Variants in TCTN2 observed in about 807,000 individuals in gnomAD.
TCTN2 encodes the protein tectonic-2.
TCTN2 carries 66 observed loss-of-function variants against 83.4 expected under a neutral mutation model. The observed-to-expected ratio is 0.79, with a 90% CI of 0.65 to 0.97. The LOEUF is 0.97. TCTN2 is among the 50% of genes least tolerant of loss of function. TCTN2 has a pLI of 0.00. For synonymous variants in TCTN2, 301 were observed against 326.7 expected (o/e 0.92, Z 0.85); for missense variants, 794 against 858.1 (o/e 0.93, Z 0.93).
intron 5 of TCTN2, among the ~76,000 whole-genome samples, chr12:123,680,568 G>A (rs1200270964): frequency 6.7e-6 from 1 of 148,324 alleles, no homozygotes; most frequent in Non-Finnish European, 1.5e-5. Context: ...CCAGGCTGGA[G>A]TGCAGTGACA....
intron 5 of TCTN2, among the ~76,000 whole-genome samples, chr12:123,682,955 A>G (rs1417502153): frequency 6.6e-6 from 1 of 151,870 alleles, no homozygotes; most frequent in South Asian, 2.1e-4. Flanking sequence ...CGGGCTCAGT[A>G]GCTCACGCCT....
intron 13 of TCTN2, among the ~76,000 whole-genome samples, chr12:123,699,326 TG>T (rs1239778868): frequency 2.0e-5 from 3 of 151,974 alleles, no homozygotes; most frequent in African/African-American, 7.3e-5. Context: ...GGCTAATTTT[TG>T]TATTTTTTGT....
chr12:123,704,798 GCAATTATTAGCAAGATGTTTATATGCA>G, intron 15 of TCTN2, 110 bp downstream of exon 15: 3 of 1,174,078 alleles, frequency 2.6e-6, no homozygotes, highest in Non-Finnish European at 3.8e-6. Flanking sequence ...TTTACAACTT[GCAATTATTAGCAAGATGTTTATATGCA>G]CATATGGAAT....
intron 4 of TCTN2, among the ~76,000 whole-genome samples, chr12:123,678,134 C>G (rs1376058265): frequency 6.6e-6 from 1 of 152,226 alleles, no homozygotes; most frequent in Non-Finnish European, 1.5e-5. Context: ...TTGTGTCTCA[C>G]TGTATCATCC....
chr12:123,677,745 C>A (rs1383463241), intron 4 of TCTN2, among the ~76,000 whole-genome samples: 2 of 152,162 alleles, frequency 1.3e-5, no homozygotes, highest in Non-Finnish European at 2.9e-5. Context: ...TCCACCCCCT[C>A]TGTCTTCCAC....
chr12:123,698,511 C>T (rs56816130), intron 13 of TCTN2, among the ~76,000 whole-genome samples: 8,332 of 152,048 alleles, frequency 0.055, 449 homozygotes, highest in African/African-American at 0.13. Context: ...GATCACGGCT[C>T]GTTGCAGCCT....
intron 4 of TCTN2, among the ~76,000 whole-genome samples, chr12:123,676,411 A>G (rs1955821405): frequency 6.6e-6 from 1 of 151,910 alleles, no homozygotes; most frequent in Non-Finnish European, 1.5e-5. Flanking sequence ...TACTAAAAAT[A>G]CAAAAAATTA....
chr12:123,682,002 G>C (rs1174994098), intron 5 of TCTN2, among the ~76,000 whole-genome samples: 1 of 152,046 alleles, frequency 6.6e-6, no homozygotes, highest in Admixed American at 6.6e-5. Flanking sequence ...ACAGGGTCTT[G>C]CTCTGTCGCC....
chr12:123,696,082 GATC>G, intron 11 of TCTN2: 1 of 336,730 alleles, frequency 3.0e-6, no homozygotes, highest in South Asian at 2.6e-5. Flanking sequence ...GACCTCAGGT[GATC>G]CACCCACCTC....
chr12:123,685,776 A>G lies in TCTN2; in HGVS notation c.565-1060A>G, dbSNP rs545345084. Among the ~76,000 whole-genome samples, 550 of 133,214 alleles carry G rather than the reference A, an allele frequency of 4.1e-3. 2 individuals are homozygous for G. The highest frequency in any genetic ancestry group is 6.7e-3 in the Non-Finnish European group (434 of 65,136). The allele number at this position is 133,214 out of a possible 152,430, so 87.4% of individuals were successfully genotyped here. A position where few individuals can be genotyped will look rare whatever the true frequency, so the allele number is the denominator to read the frequency against. On this transcript the variant is annotated intron_variant, in intron 5 of 17. Coordinates refer to ENST00000303372, the MANE Select transcript of TCTN2 (RefSeq NM_024809.5). ...GGTCTTGTTCTGTTGCCCAGGCTGG[A>G]CTTCAGTGGCCCAATCATGGCTCAC... is the stretch of plus-strand genomic sequence containing the variant.
intron 13 of TCTN2, 84 bp downstream of exon 13, chr12:123,697,282 G>A (rs1956121583): frequency 1.0e-6 from 1 of 988,480 alleles, no homozygotes. Context: ...AAGACAGCAT[G>A]AATATGAAAA....
chr12:123,672,780 G>C (rs1212147030), intron 3 of TCTN2, among the ~76,000 whole-genome samples: 1 of 152,146 alleles, frequency 6.6e-6, no homozygotes, highest in East Asian at 1.9e-4. Context: ...GTCAGGCGCG[G>C]TGGCTCACGC....
intron 6 of TCTN2, 98 bp from the exon 7 acceptor site, chr12:123,687,953 G>A: frequency 6.5e-7 from 1 of 1,528,976 alleles, no homozygotes; most frequent in Non-Finnish European, 9.0e-7. Flanking sequence ...GACAGAGTGA[G>A]ACTCCATCTC....
chr12:123,671,400 C>G, intron 1 of TCTN2, 78 bp downstream of exon 1: 4 of 1,595,650 alleles, frequency 2.5e-6, no homozygotes, highest in Non-Finnish European at 3.4e-6. Context: ...CTTGGACTCC[C>G]CCGGGAGCTT....
At chr12:123,703,131 A>T (rs796760816) in intron 14 of TCTN2, among the ~76,000 whole-genome samples, 5 of 152,230 alleles carry the variant, frequency 3.3e-5, no homozygotes, top group African/African-American at 1.2e-4. Context: ...TCTAATACAT[A>T]CTAATTAAAG....
rs1382643988 is a variant in TCTN2, at chr12:123,671,919, C to T, written c.191-137C>T. The T allele has an allele frequency of 1.2e-5, 10 of 807,698 alleles. No homozygotes were observed. The East Asian group carries it at 2.4e-4, about 20-fold the overall frequency. 50.0% of individuals were successfully genotyped at this position (807,698 alleles called of 1,614,324 possible). On this transcript the variant is annotated intron_variant, in intron 2 of 17. Coordinates refer to ENST00000303372, the MANE Select transcript of TCTN2 (RefSeq NM_024809.5). ...GAAGAAACAAGTTCAGAGAGGTTGTCACTGTCCCAGTGTCAAGCAGCTTGT... is the reference window on the plus strand; with the variant it reads ...GAAGAAACAAGTTCAGAGAGGTTGTTACTGTCCCAGTGTCAAGCAGCTTGT...
chr12:123,684,399 C>CT (rs528065302), intron 5 of TCTN2, among the ~76,000 whole-genome samples: 2,890 of 127,794 alleles, frequency 0.023, 84 homozygotes, highest in African/African-American at 0.07. Flanking sequence ...TATTGTCATT[C>CT]TTTTTTTTTT....
At position 123,706,774 on chromosome 12, in the gene TCTN2, C is replaced by G. The variant is rs778418417; in HGVS notation, c.1818C>G (p.His606Gln). ...WQYQCGLTCE[H>Q]KADLLPISAS... ...ACCAGTGTGGGCTTACCTGTGAGCA[C>G]AAGGCCGACCTTCTCCCTATCAGTG... The change falls in exon 16 of 18, where the codon CAC becomes CAG. Residue 606 changes from histidine (H) to glutamine (Q), a missense_variant. Coordinates refer to ENST00000303372, the MANE Select transcript of TCTN2 (RefSeq NM_024809.5). 285 of 1,614,054 alleles carry G rather than the reference C, an allele frequency of 1.8e-4. 1 individual carries two copies. In the East Asian group the frequency reaches 6.3e-3, roughly 36 times the overall value.
At chr12:123,693,307 T>C (rs1047682658) in intron 9 of TCTN2, among the ~76,000 whole-genome samples, 29 of 150,778 alleles carry the variant, frequency 1.9e-4, no homozygotes, top group Non-Finnish European at 3.8e-4. Context: ...ATTATAGGTG[T>C]GAGCCACCGC....
Sources: gnomAD v4.1 joint callset for allele counts (sites outside exome capture counted in the v4.1 genomes callset) on GRCh38, gnomAD v4.1.1 for gene constraint, MANE v1.5 for transcripts, NCBI Gene and HGNC (gene_info 2026-07-23, HGNC 2026-07-21) for gene names.